The following PAN3 variants were observed in gnomAD, a reference collection of about 807,000 sequenced individuals.
The protein encoded by PAN3 is poly(A) specific ribonuclease subunit PAN3.
In PAN3, 19 loss-of-function variants were observed where a neutral mutation model predicts 96.2. The observed-to-expected ratio is 0.20, with a 90% CI of 0.14 to 0.29. The LOEUF (loss-of-function observed/expected upper bound fraction) is 0.29, where lower values mean the gene tolerates loss of function less well. PAN3 is among the 10% of genes least tolerant of loss of function. The probability of loss-of-function intolerance (pLI) is 1.00; values close to 1 mark genes in which losing one functional copy is unlikely to be tolerated. For synonymous variants in PAN3, 433 were observed against 406.6 expected (o/e 1.06, Z -0.78); for missense variants, 882 against 1,108.1 (o/e 0.80, Z 2.90).
At chr13:28,179,030 C>G (rs1381341553) in intron 4 of PAN3, among the ~76,000 whole-genome samples, 1 of 152,064 alleles carries the variant, frequency 6.6e-6, no homozygotes, top group African/African-American at 2.4e-5. Context: ...ACCTCATGTA[C>G]CTAATGTTAT....
intron 8 of PAN3, 52 bp downstream of exon 8, chr13:28,260,603 T>A: frequency 1.5e-6 from 2 of 1,373,852 alleles, no homozygotes; most frequent in Non-Finnish European, 2.1e-6. Context: ...TGTGCTTTAG[T>A]GAACAGGGGA....
chr13:28,216,104 T>TCTAAG (rs144982471), intron 5 of PAN3, among the ~76,000 whole-genome samples: 1 of 151,176 alleles, frequency 6.6e-6, no homozygotes, highest in Non-Finnish European at 1.5e-5. Context: ...ATGTGGTAGT[T>TCTAAG]TTACTAGTTT....
chr13:28,262,629 TGGAA>T (rs1566240451), intron 9 of PAN3, among the ~76,000 whole-genome samples: 2 of 151,796 alleles, frequency 1.3e-5, no homozygotes. Context: ...GAAAAAAAAA[TGGAA>T]GGCACAAAGA....
chr13:28,154,431 G>A (rs1295039437), intron 1 of PAN3, among the ~76,000 whole-genome samples: 2 of 151,806 alleles, frequency 1.3e-5, no homozygotes, highest in Non-Finnish European at 2.9e-5. Flanking sequence ...CTATCTTGGT[G>A]CATAGATATG....
At chr13:28,172,458 A>G (rs1018759592) in intron 1 of PAN3, among the ~76,000 whole-genome samples, 1 of 152,170 alleles carries the variant, frequency 6.6e-6, no homozygotes, top group Non-Finnish European at 1.5e-5. Flanking sequence ...TCTGTCTCAA[A>G]AAAAAAATTA....
In PAN3 at chr13:28,219,835, T is replaced by C. The variant is rs1414465588; in HGVS notation, c.853-396T>C. On this transcript the variant is annotated intron_variant, in intron 5 of 18. Transcript: ENST00000380958. ...CTACAAAAAAGAAAGTGATTAATTT[T>C]GGAAGAAAGGCAGTTTTGACCTTTA... Among the ~76,000 whole-genome samples, 3 of 152,252 alleles carry C rather than the reference T, an allele frequency of 2.0e-5. No homozygotes were observed. In the East Asian group the frequency reaches 5.8e-4, roughly 29 times the overall value.
At chr13:28,141,003 C>CTTTTTT (rs979248659) in intron 1 of PAN3, among the ~76,000 whole-genome samples, 1,986 of 112,738 alleles carry the variant, frequency 0.018, 180 homozygotes, top group African/African-American at 0.068. Flanking sequence ...GAAAGAGACA[C>CTTTTTT]TTTTTTTTTT....
chr13:28,172,659 T>G lies in PAN3; in HGVS notation c.431-1613T>G, dbSNP rs78044426. Among the ~76,000 whole-genome samples the G allele has an allele frequency of 4.0e-3, 612 of 152,360 alleles. 7 individuals are homozygous for G. The highest frequency in any genetic ancestry group is 0.014 in the African/African-American group (584 of 41,584). ...ATTTTAAACATATCCTGGACATTAG[T>G]TACCATGACTTTGAATTATTTCATA... On this transcript the variant is annotated intron_variant, in intron 1 of 18. Transcript: ENST00000380958.
chr13:28,261,918 A>G (rs1244504839), intron 9 of PAN3, among the ~76,000 whole-genome samples: 2 of 151,150 alleles, frequency 1.3e-5, no homozygotes, highest in East Asian at 1.9e-4. Flanking sequence ...ACAGTATTCT[A>G]GTTCACAAAA....
intron 1 of PAN3, among the ~76,000 whole-genome samples, chr13:28,147,329 T>C (rs1361641286): frequency 6.6e-6 from 1 of 152,110 alleles, no homozygotes; most frequent in Non-Finnish European, 1.5e-5. Context: ...ATGATTCGAC[T>C]TCCAGTTTTT....
intron 6 of PAN3, among the ~76,000 whole-genome samples, chr13:28,220,779 T>C (rs1324936634): frequency 3.9e-5 from 6 of 152,156 alleles, no homozygotes; most frequent in African/African-American, 9.7e-5. Context: ...TTCTAAAAAA[T>C]AATTTAATCA....
chr13:28,280,326 G>A (rs1040817803), intron 15 of PAN3, 86 bp from the exon 16 acceptor site: 30 of 1,420,488 alleles, frequency 2.1e-5, no homozygotes, highest in East Asian at 7.3e-5. Context: ...CTAAGATGAC[G>A]GCAGCCAAAA....
intron 1 of PAN3, among the ~76,000 whole-genome samples, chr13:28,146,284 T>A (rs951530975): frequency 3.4e-5 from 5 of 146,568 alleles, no homozygotes; most frequent in Non-Finnish European, 7.4e-5. Context: ...ATATATATAT[T>A]TTTTCCTCTT....
chr13:28,212,564 AATT>A (rs551242708), intron 5 of PAN3, among the ~76,000 whole-genome samples: 94 of 152,374 alleles, frequency 6.2e-4, no homozygotes, highest in African/African-American at 2.2e-3. Context: ...CATCAACAAT[AATT>A]ATTATAACTG....
chr13:28,170,062 CAAT>C (rs948615623), intron 1 of PAN3, among the ~76,000 whole-genome samples: 3 of 151,610 alleles, frequency 2.0e-5, no homozygotes, highest in Admixed American at 6.6e-5. Context: ...AATAATAATA[CAAT>C]AATAATAATA....
At chr13:28,161,879 T>A (rs1189361383) in intron 1 of PAN3, among the ~76,000 whole-genome samples, 21 of 152,274 alleles carry the variant, frequency 1.4e-4, no homozygotes, top group Non-Finnish European at 2.9e-5. Flanking sequence ...TGGATTTGAG[T>A]CTTGTTTTAC....
chr13:28,245,318 C>T (rs1029466272), intron 6 of PAN3, among the ~76,000 whole-genome samples: 1 of 150,926 alleles, frequency 6.6e-6, no homozygotes. Context: ...TCATACAGGT[C>T]TTATACAGTT....
chr13:28,260,456 A>G lies in PAN3; in HGVS notation c.1258A>G (p.Asn420Asp), dbSNP rs377198462. The G allele has an allele frequency of 7.4e-6, 12 of 1,611,212 alleles. No individual in the cohort carries two copies. In the African/African-American group the frequency reaches 1.2e-4, roughly 16 times the overall value. ...CTTCCTACCTTTTTAGGTGTTTCCAAACTATCATATTTATCCTCCAACTGC... is the reference window on the plus strand; with the variant it reads ...CTTCCTACCTTTTTAGGTGTTTCCAGACTATCATATTTATCCTCCAACTGC... ...PAPLTGMVFP[N>D]YHIYPPTAPH... is the part of the protein sequence containing the mutation. Residue 420 changes from asparagine (N) to aspartate (D), a missense_variant, in exon 8 of 19, where the codon AAC (asparagine) becomes GAC (aspartate). By Grantham distance (23) the Asn-to-Asp change is conservative (BLOSUM62 1). Coordinates refer to ENST00000380958, the MANE Select transcript of PAN3 (RefSeq NM_175854.8).
At chr13:28,196,847 A>G (rs945001869) in intron 4 of PAN3, among the ~76,000 whole-genome samples, 1 of 152,246 alleles carries the variant, frequency 6.6e-6, no homozygotes, top group African/African-American at 2.4e-5. Context: ...GGTAAGTGAC[A>G]GTAGAAAAAA....
Sources: allele counts gnomAD v4.1 joint callset (sites outside exome capture counted in the v4.1 genomes callset), GRCh38; gene constraint gnomAD v4.1.1; transcripts MANE v1.5; gene names NCBI Gene and HGNC (gene_info 2026-07-23, HGNC 2026-07-21).